CADPS: variants seen among roughly 807,000 people sequenced by gnomAD.
CADPS encodes the protein calcium dependent secretion activator, also known as calcium-dependent secretion activator 1.
CADPS carries 57 observed loss-of-function variants against 167.3 expected under a neutral mutation model. The ratio of observed to expected loss-of-function variants is 0.34; its 90% confidence interval spans 0.28 to 0.42. The LOEUF is 0.42. CADPS is among the 20% of genes least tolerant of loss of function. The pLI, the probability that CADPS is intolerant of heterozygous loss-of-function variation, is 1.00. For synonymous variants in CADPS, 676 were observed against 635.3 expected (o/e 1.06, Z -0.96); for missense variants, 1,414 against 1,738.1 (o/e 0.81, Z 3.32).
chr3:62,546,613 T>C lies in CADPS; in HGVS notation c.1966+3290A>G, dbSNP rs9813289. On this transcript the variant is annotated intron_variant, in intron 11 of 29. Coordinates refer to ENST00000383710, the MANE Select transcript of CADPS (RefSeq NM_003716.4). ...TATCCAAGGGTTCTGCATCCATGGA[T>C]TCAACCAGCGGTGGATTGAAAATAT... Among the ~76,000 whole-genome samples, 691 of 152,304 alleles carry C rather than the reference T, an allele frequency of 4.5e-3. 4 individuals are homozygous for C. The highest frequency in any genetic ancestry group is 0.016 in the African/African-American group (667 of 41,578).
rs999312344 is a variant in CADPS at position 62,433,651 on chromosome 3, C to G, written c.3777+4453G>C. 6.6e-6 allele frequency among the ~76,000 whole-genome samples: 1 copy of G among 152,116 alleles called. No individual in the cohort carries two copies. Among genetic ancestry groups the G allele is most frequent in the South Asian group, 2.1e-4 (1 of 4,816 alleles). On this transcript the variant is annotated intron_variant, in intron 28 of 29. Coordinates refer to ENST00000383710, the MANE Select transcript of CADPS (RefSeq NM_003716.4). This position sits in a 1 kb window ranked among gnomAD's most constrained non-coding sequence, Gnocchi z 4.7. ...TACCAATGTGGATTCCATCCAAGTT[C>G]GAGATGGCTTTTTAATCACTCATCT...
At chr3:62,593,417 A>G (rs1406070354) in intron 6 of CADPS, among the ~76,000 whole-genome samples, 1 of 152,254 alleles carries the variant, frequency 6.6e-6, no homozygotes, top group African/African-American at 2.4e-5. Context: ...TGCGGCTCAC[A>G]TGAGCCCTTG....
At chr3:62,672,533 T>C (rs2075711380) in intron 3 of CADPS, among the ~76,000 whole-genome samples, 1 of 152,204 alleles carries the variant, frequency 6.6e-6, no homozygotes, top group South Asian at 2.1e-4. Context: ...TCTTGTTCTC[T>C]ACGCTCAGAC....
chr3:62,646,451 C>T (rs1168522203), intron 5 of CADPS, among the ~76,000 whole-genome samples: 7 of 152,072 alleles, frequency 4.6e-5, no homozygotes, highest in South Asian at 2.1e-4. Context: ...GGATTACAGG[C>T]GTGAGCCACC....
chr3:62,531,042 G>A (rs1182847792), intron 13 of CADPS, among the ~76,000 whole-genome samples: 2 of 152,196 alleles, frequency 1.3e-5, no homozygotes. Flanking sequence ...ATGACAAGAT[G>A]TATAAACCTA....
At chr3:62,578,133 C>T (rs2082652675) in intron 8 of CADPS, among the ~76,000 whole-genome samples, 1 of 145,264 alleles carries the variant, frequency 6.9e-6, no homozygotes, top group Admixed American at 6.9e-5. Context: ...TTTTTAAAGA[C>T]ACGAATAGGT....
Position 62,512,741 on chromosome 3 carries a change from A to G in CADPS, c.2599+10T>C. 1 of 1,603,132 alleles carries G rather than the reference A, an allele frequency of 6.2e-7. No individual in the cohort carries two copies. The highest frequency in any genetic ancestry group is 8.5e-7 in the Non-Finnish European group (1 of 1,172,244). ...CCTGATAATTTATAATGCATATACA[A>G]TTGGTTCACCTGCATCCTTTTGATT... On this transcript the variant is annotated intron_variant, in intron 17 of 29. Coordinates refer to ENST00000383710, the MANE Select transcript of CADPS (RefSeq NM_003716.4).
chr3:62,475,153 T>A (rs2061106943), intron 23 of CADPS, among the ~76,000 whole-genome samples: 1 of 152,318 alleles, frequency 6.6e-6, no homozygotes, highest in African/African-American at 2.4e-5. Flanking sequence ...ATTGGTCAAA[T>A]TAGGATCTCA....
At chr3:62,840,826 T>C (rs1261145778) in intron 1 of CADPS, among the ~76,000 whole-genome samples, 1 of 152,152 alleles carries the variant, frequency 6.6e-6, no homozygotes, top group Non-Finnish European at 1.5e-5. Flanking sequence ...TTCAAATTAT[T>C]TGGAGAAATC....
At chr3:62,493,731 A>G in intron 18 of CADPS, 66 bp from the exon 19 acceptor site, 1 of 1,269,184 alleles carries the variant, frequency 7.9e-7, no homozygotes, top group East Asian at 2.5e-5. Flanking sequence ...CTTGGCTGGA[A>G]ATAGACACCT....
At chr3:62,684,412 C>G (rs888691283) in intron 3 of CADPS, among the ~76,000 whole-genome samples, 1 of 151,934 alleles carries the variant, frequency 6.6e-6, no homozygotes, top group African/African-American at 2.4e-5. Context: ...TATTGCCTAC[C>G]CCAGCCGTAG....
intron 3 of CADPS, among the ~76,000 whole-genome samples, chr3:62,677,310 A>C (rs543038478): frequency 3.3e-5 from 5 of 152,096 alleles, no homozygotes; most frequent in Admixed American, 6.6e-5. Context: ...CAACAACAGC[A>C]AAAAAACCAA....
At chr3:62,535,544 G>T (rs533816941) in intron 12 of CADPS, among the ~76,000 whole-genome samples, 1 of 151,836 alleles carries the variant, frequency 6.6e-6, no homozygotes, top group Non-Finnish European at 1.5e-5. Context: ...ATTACATAGA[G>T]ATATTCTTCT....
At chr3:62,472,880 GT>G (rs1211546340) in intron 24 of CADPS, among the ~76,000 whole-genome samples, 1 of 152,162 alleles carries the variant, frequency 6.6e-6, no homozygotes, top group Non-Finnish European at 1.5e-5. Flanking sequence ...CTGAAGTCAG[GT>G]TTACATACTG....
chr3:62,520,597 CTAACTT>C (rs202094262), intron 13 of CADPS, among the ~76,000 whole-genome samples: 2,724 of 152,272 alleles, frequency 0.018, 44 homozygotes, highest in African/African-American at 0.045. Context: ...ATAAAACAAA[CTAACTT>C]TACTAAGTCT....
chr3:62,773,590 C>A (rs1324114734), intron 1 of CADPS, among the ~76,000 whole-genome samples: 1 of 152,198 alleles, frequency 6.6e-6, no homozygotes, highest in Admixed American at 6.5e-5. Flanking sequence ...GTATGTCCTC[C>A]CCATGTACTA....
At chr3:62,415,842 T>C (rs2049959584) in intron 28 of CADPS, among the ~76,000 whole-genome samples, 2 of 152,110 alleles carry the variant, frequency 1.3e-5, no homozygotes, top group Non-Finnish European at 2.9e-5. Flanking sequence ...TGACAAGTTT[T>C]ATGGGGGAAG....
intron 6 of CADPS, among the ~76,000 whole-genome samples, chr3:62,630,821 A>C (rs2149695061): frequency 6.6e-6 from 1 of 152,258 alleles, no homozygotes; most frequent in South Asian, 2.1e-4. Context: ...ATTTACTCCC[A>C]CTTTTTAACA....
chr3:62,613,032 T>C (rs2061711402), intron 6 of CADPS, among the ~76,000 whole-genome samples: 1 of 152,084 alleles, frequency 6.6e-6, no homozygotes, highest in Non-Finnish European at 1.5e-5. Context: ...ACACAGAGAA[T>C]GACTGAGGCA....
Sources: gnomAD v4.1 joint callset for allele counts (sites outside exome capture counted in the v4.1 genomes callset) on GRCh38, gnomAD v4.1.1 for gene constraint, Gnocchi (gnomAD v3.1) non-coding constraint, MANE v1.5 for transcripts, NCBI Gene and HGNC (gene_info 2026-07-23, HGNC 2026-07-21) for gene names.